The following FSTL5 variants were observed in gnomAD, a reference collection of about 807,000 sequenced individuals.
FSTL5 encodes the protein follistatin-related protein 5.
In FSTL5, 62 loss-of-function variants were observed where a neutral mutation model predicts 89.1. That is an observed-to-expected ratio of 0.70 (90% CI 0.57 to 0.86). The LOEUF is 0.86. Among genes scored for constraint, FSTL5 ranks in the 40% least tolerant of loss-of-function variants. FSTL5 has a pLI of 0.00. For synonymous variants in FSTL5, 383 were observed against 346.2 expected (o/e 1.11, Z -1.18); for missense variants, 1,057 against 1,001.6 (o/e 1.06, Z -0.75).
chr4:161,985,343 ATAT>A (rs1225152227), intron 3 of FSTL5, among the ~76,000 whole-genome samples: 1 of 152,188 alleles, frequency 6.6e-6, no homozygotes, highest in Non-Finnish European at 1.5e-5. Context: ...TAGTTATATC[ATAT>A]TGTTATATGT....
intron 6 of FSTL5, among the ~76,000 whole-genome samples, chr4:161,723,831 G>A (rs1422800899): frequency 2.6e-5 from 4 of 152,228 alleles, no homozygotes; most frequent in Admixed American, 6.5e-5. Flanking sequence ...TTGAGAAAAG[G>A]TATTTAATAA....
chr4:161,491,133 C>G (rs1729860710), intron 12 of FSTL5, among the ~76,000 whole-genome samples: 1 of 151,520 alleles, frequency 6.6e-6, no homozygotes, highest in Admixed American at 6.6e-5. Flanking sequence ...AATAGGGTTC[C>G]AGGCCACATT....
At chr4:161,679,473 G>A (rs1737442182) in intron 6 of FSTL5, among the ~76,000 whole-genome samples, 1 of 151,700 alleles carries the variant, frequency 6.6e-6, no homozygotes, top group Admixed American at 6.6e-5. Flanking sequence ...TGGTAAAGCT[G>A]GGATTTAAAT....
chr4:161,835,001 C>A (rs1730986641), intron 4 of FSTL5, among the ~76,000 whole-genome samples: 1 of 145,798 alleles, frequency 6.9e-6, no homozygotes, highest in Admixed American at 6.8e-5. Context: ...CCAAGTCAAT[C>A]CTAAGCCAAA....
At chr4:161,666,355 A>C (rs542424870) in intron 6 of FSTL5, among the ~76,000 whole-genome samples, 1 of 152,310 alleles carries the variant, frequency 6.6e-6, no homozygotes, top group Non-Finnish European at 1.5e-5. Flanking sequence ...AAAACCCTTC[A>C]AATTGGCTTG....
chr4:162,128,728 G>C (rs896448353), intron 1 of FSTL5, among the ~76,000 whole-genome samples: 1 of 151,878 alleles, frequency 6.6e-6, no homozygotes, highest in Non-Finnish European at 1.5e-5. Flanking sequence ...AAAGCTGTTG[G>C]TATTTTCTTT....
At chr4:162,012,823 C>G (rs1201233694) in intron 3 of FSTL5, among the ~76,000 whole-genome samples, 1 of 152,096 alleles carries the variant, frequency 6.6e-6, no homozygotes, top group East Asian at 1.9e-4. Flanking sequence ...TTCACCCCTT[C>G]CTGTATATGA....
intron 11 of FSTL5, among the ~76,000 whole-genome samples, chr4:161,501,695 G>T (rs561911549): frequency 1.4e-4 from 21 of 151,860 alleles, no homozygotes; most frequent in Non-Finnish European, 2.9e-4. Flanking sequence ...TTCCTGAACA[G>T]AAGCAGAAGT....
intron 6 of FSTL5, among the ~76,000 whole-genome samples, chr4:161,744,741 C>A (rs1740136180): frequency 6.6e-6 from 1 of 151,978 alleles, no homozygotes; most frequent in African/African-American, 2.4e-5. Flanking sequence ...TGTTCAGAAA[C>A]CTTTTTTTTT....
intron 3 of FSTL5, among the ~76,000 whole-genome samples, chr4:161,936,047 G>T (rs1410087146): frequency 6.6e-6 from 1 of 152,052 alleles, no homozygotes; most frequent in Admixed American, 6.6e-5. Context: ...GCTGGGCCTG[G>T]ATCATGCATG....
chr4:161,707,154 G>T (rs1379247422), intron 6 of FSTL5, among the ~76,000 whole-genome samples: 1 of 151,588 alleles, frequency 6.6e-6, no homozygotes, highest in East Asian at 1.9e-4. Context: ...CATCTTTCTA[G>T]AAATACAAAT....
intron 15 of FSTL5, among the ~76,000 whole-genome samples, chr4:161,420,642 T>C (rs889821884): frequency 2.0e-5 from 3 of 151,744 alleles, no homozygotes; most frequent in Non-Finnish European, 2.9e-5. Flanking sequence ...TTCAATACCA[T>C]ATATATGCTG....
chr4:161,974,755 A>G (rs1227788863), intron 3 of FSTL5, among the ~76,000 whole-genome samples: 1 of 134,558 alleles, frequency 7.4e-6, no homozygotes, highest in African/African-American at 2.8e-5. Context: ...GACAAATGGG[A>G]TCTAATTAAA....
intron 7 of FSTL5, among the ~76,000 whole-genome samples, chr4:161,614,892 A>G (rs760995866): frequency 2.0e-5 from 3 of 152,182 alleles, no homozygotes; most frequent in Admixed American, 6.5e-5. Flanking sequence ...TGAACGCTTA[A>G]TTATCTATTG....
At chr4:162,092,947 C>CAAAAAAAAA (rs57860357) in intron 2 of FSTL5, among the ~76,000 whole-genome samples, 3 of 80,724 alleles carry the variant, frequency 3.7e-5, no homozygotes, top group African/African-American at 1.0e-4. Context: ...GACTCTGTCT[C>CAAAAAAAAA]AAAAAAAAAA....
At chr4:161,401,259 ACTT>A (rs1731169633) in intron 15 of FSTL5, among the ~76,000 whole-genome samples, 1 of 152,198 alleles carries the variant, frequency 6.6e-6, no homozygotes, top group Non-Finnish European at 1.5e-5. Context: ...TCTGATGTCT[ACTT>A]CTTTAATTAA....
chr4:162,161,484 C>T (rs1201107007), intron 1 of FSTL5, among the ~76,000 whole-genome samples: 2 of 151,906 alleles, frequency 1.3e-5, no homozygotes, highest in Admixed American at 6.6e-5. Context: ...TAATGTTTTA[C>T]ATTTGCAATC....
chr4:162,079,125 T>A (rs557752905), intron 2 of FSTL5, among the ~76,000 whole-genome samples: 1 of 151,904 alleles, frequency 6.6e-6, no homozygotes, highest in South Asian at 2.1e-4. Flanking sequence ...TATCAACTAT[T>A]TGAAAAATAT....
chr4:161,718,789 A>G (rs561540070), intron 6 of FSTL5, among the ~76,000 whole-genome samples: 1 of 152,248 alleles, frequency 6.6e-6, no homozygotes, highest in Non-Finnish European at 1.5e-5. Context: ...TACTCTCTAT[A>G]TATATATCTA....
Sources: gnomAD v4.1 joint callset for allele counts (sites outside exome capture counted in the v4.1 genomes callset) on GRCh38, gnomAD v4.1.1 for gene constraint, MANE v1.5 for transcripts, NCBI Gene and HGNC (gene_info 2026-07-23, HGNC 2026-07-21) for gene names.